The following SFXN5 variants were observed in gnomAD, a reference collection of about 807,000 sequenced individuals.
The protein encoded by SFXN5 is sideroflexin 5.
Under a neutral mutation model 50.2 loss-of-function variants are expected in SFXN5, and 43 were observed. The ratio of observed to expected loss-of-function variants is 0.86; its 90% CI spans 0.67 to 1.11. The LOEUF (loss-of-function observed/expected upper bound fraction) is 1.11, where lower values mean the gene tolerates loss of function less well. Among genes scored for constraint, SFXN5 ranks in the 50% least tolerant of loss-of-function variants. SFXN5 has a pLI of 0.00. For missense variants in SFXN5, 463 were observed against 454.1 expected, an observed-to-expected ratio of 1.02 and a Z score of -0.18; for synonymous variants, 203 against 185.8, an observed-to-expected ratio of 1.09 and a Z score of -0.75.
At chr2:73,041,250 C>A (rs1679588641) in intron 2 of SFXN5, among the ~76,000 whole-genome samples, 1 of 152,158 alleles carries the variant, frequency 6.6e-6, no homozygotes, top group Non-Finnish European at 1.5e-5. Flanking sequence ...AATAATATTT[C>A]CTATGTGAAT....
At chr2:73,052,359 C>CGTGTGCGT (rs1305681382) in intron 2 of SFXN5, among the ~76,000 whole-genome samples, 1 of 142,348 alleles carries the variant, frequency 7.0e-6, no homozygotes, top group Non-Finnish European at 1.6e-5. Flanking sequence ...TGTGTGTATG[C>CGTGTGCGT]GTGTGTGTGT....
At chr2:73,015,874 G>A (rs1033977890) in intron 6 of SFXN5, among the ~76,000 whole-genome samples, 1 of 151,112 alleles carries the variant, frequency 6.6e-6, no homozygotes, top group Non-Finnish European at 1.5e-5. Flanking sequence ...GGAATTTGAG[G>A]CTGCAGTGGG....
At chr2:73,009,166 T>C (rs1675155178) in intron 6 of SFXN5, among the ~76,000 whole-genome samples, 1 of 152,220 alleles carries the variant, frequency 6.6e-6, no homozygotes, top group South Asian at 2.1e-4. Flanking sequence ...GGCTTCTGCA[T>C]GCGTATATTT....
In SFXN5 at chr2:73,058,659, C is replaced by T. The variant is rs978964631; in HGVS notation, c.103-63G>A. 5.3e-6 allele frequency: 8 copies of T among 1,500,264 alleles called. No individual in the cohort carries two copies. The Admixed American group carries it at 1.0e-4, about 19-fold the overall frequency. 92.9% of individuals were successfully genotyped at this position (1,500,264 alleles called of 1,614,324 possible). On this transcript the variant is annotated intron_variant, in intron 1 of 13. Coordinates refer to ENST00000272433, the MANE Select transcript of SFXN5 (RefSeq NM_144579.3). The stretch of plus-strand genomic sequence containing the variant: ...GCTGCTGCACACCCTTCTCCAGACA[C>T]TGGAGAGCCCCACCCTTTATGATTG...
At chr2:73,052,336 G>GAA (rs1559208035) in intron 2 of SFXN5, among the ~76,000 whole-genome samples, 1 of 124,776 alleles carries the variant, frequency 8.0e-6, no homozygotes, top group South Asian at 2.5e-4. Flanking sequence ...ATGTAAGAGA[G>GAA]AGAGTGTGTG....
At chr2:73,013,118 A>G (rs1368499069) in intron 6 of SFXN5, among the ~76,000 whole-genome samples, 1 of 152,186 alleles carries the variant, frequency 6.6e-6, no homozygotes, top group Non-Finnish European at 1.5e-5. Context: ...ATATGCAGTC[A>G]TAACCATCAG....
intron 6 of SFXN5, chr2:73,020,015 A>T: frequency 1.9e-6 from 1 of 516,762 alleles, no homozygotes; most frequent in East Asian, 3.4e-5. Context: ...GCAATTTTCA[A>T]CTCAACGCTG....
At position 72,971,668 on chromosome 2, in the gene SFXN5, T is replaced by C; in HGVS notation, c.643A>G (p.Asn215Asp). ...FPAVASANICNVVLMRYGELE... is the reference protein window; with the variant it reads ...FPAVASANICDVVLMRYGELE... ...TCCCCGTACCGCATCAGGACCACAT[T>C]GCAGATATTGGCACTGGCTGCAGAG... is the stretch of plus-strand genomic sequence containing the variant. The change falls in exon 11 of 14, where the codon AAT becomes GAT. Residue 215 changes from asparagine to aspartate, a missense_variant. Transcript: ENST00000272433. 6.2e-7 allele frequency: 1 copy of C among 1,613,814 alleles called. No individual in the cohort carries two copies. Among genetic ancestry groups the C allele is most frequent in the African/African-American group, 1.3e-5 (1 of 75,028 alleles).
intron 10 of SFXN5, among the ~76,000 whole-genome samples, chr2:72,975,222 G>A (rs903737365): frequency 6.6e-6 from 1 of 152,254 alleles, no homozygotes; most frequent in African/African-American, 2.4e-5. Flanking sequence ...AAATCATGCA[G>A]ATTGTGAAAA....
intron 1 of SFXN5, chr2:73,071,356 G>A (rs1416039759): frequency 2.0e-6 from 1 of 502,966 alleles, no homozygotes; most frequent in Non-Finnish European, 3.5e-6. Context: ...GGCGGGAAAG[G>A]CTAGAGGGCG....
At chr2:72,980,577 C>T (rs1306036631) in intron 10 of SFXN5, among the ~76,000 whole-genome samples, 5 of 152,122 alleles carry the variant, frequency 3.3e-5, no homozygotes, top group South Asian at 2.1e-4. Flanking sequence ...GAAGTGTCAC[C>T]GACTCAGGAT....
At chr2:72,986,284 C>A (rs1279728484) in intron 10 of SFXN5, among the ~76,000 whole-genome samples, 1 of 152,212 alleles carries the variant, frequency 6.6e-6, no homozygotes, top group Admixed American at 6.5e-5. Flanking sequence ...AGAGGTGGGG[C>A]TGCCCAGCAA....
At position 72,953,770 on chromosome 2, in the gene SFXN5, T is replaced by C. The variant is rs930147604; in HGVS notation, c.945+7361A>G. Among the ~76,000 whole-genome samples, 18 of 152,206 alleles carry C rather than the reference T, an allele frequency of 1.2e-4. No homozygotes were observed. The highest frequency in any genetic ancestry group is 1.0e-3 in the Admixed American group (16 of 15,288). ...GAATGTGGACTCACATTCCAGCTTA[T>C]TCCCAGCTCTTCTCCATTCTTGGTT... On this transcript the variant is annotated intron_variant, in intron 13 of 13. Coordinates refer to ENST00000272433, the MANE Select transcript of SFXN5 (RefSeq NM_144579.3). The surrounding 1 kb of genome is among the most constrained non-coding windows in gnomAD (Gnocchi z 4.1).
intron 2 of SFXN5, among the ~76,000 whole-genome samples, chr2:73,047,102 G>A (rs1217429813): frequency 6.8e-6 from 1 of 148,080 alleles, no homozygotes; most frequent in Admixed American, 6.9e-5. Context: ...GCAGGCACCT[G>A]TAATCCCAGC....
Position 73,071,437 on chromosome 2 carries a change from G to A in SFXN5, c.102+167C>T. The A allele has an allele frequency of 1.4e-5, 9 of 624,236 alleles. No homozygotes were observed. In the South Asian group the frequency reaches 1.9e-4, roughly 13 times the overall value. 38.7% of individuals were successfully genotyped at this position (624,236 alleles called of 1,614,324 possible). A position where few individuals can be genotyped will look rare whatever the true frequency, so the allele number is the denominator to read the frequency against. ...GATGGGAGTCCGCGCCCGCCCCGTT[G>A]ACCAATGGGAAAAGGGTGACTGTGA... On this transcript the variant is annotated intron_variant, in intron 1 of 13. Coordinates refer to ENST00000272433, the MANE Select transcript of SFXN5 (RefSeq NM_144579.3).
intron 13 of SFXN5, among the ~76,000 whole-genome samples, chr2:72,949,365 C>T (rs2105321341): frequency 6.6e-6 from 1 of 152,260 alleles, no homozygotes; most frequent in African/African-American, 2.4e-5. Flanking sequence ...GCTCTGTCAC[C>T]CAGGCTGGAG....
intron 10 of SFXN5, among the ~76,000 whole-genome samples, chr2:72,984,130 G>A (rs981411379): frequency 3.3e-5 from 5 of 152,216 alleles, no homozygotes; most frequent in African/African-American, 7.2e-5. Context: ...AATCGATTCC[G>A]ATGCCAGCAC....
At chr2:72,971,891 A>G (rs963932847) in intron 10 of SFXN5, among the ~76,000 whole-genome samples, 2 of 152,154 alleles carry the variant, frequency 1.3e-5, no homozygotes, top group South Asian at 2.1e-4. Context: ...GGTAAGTGAA[A>G]GTGGAAAAGA....
intron 5 of SFXN5, among the ~76,000 whole-genome samples, chr2:73,021,456 C>T (rs6710362): frequency 0.42 from 64,517 of 152,020 alleles, 16,704 homozygotes; most frequent in Middle Eastern, 0.62. Context: ...TGCACTCCAG[C>T]CTGGGCAAAA....
Sources: allele counts gnomAD v4.1 joint callset (sites outside exome capture counted in the v4.1 genomes callset), GRCh38; gene constraint gnomAD v4.1.1; non-coding constraint Gnocchi (gnomAD v3.1); transcripts MANE v1.5; gene names NCBI Gene and HGNC (gene_info 2026-07-23, HGNC 2026-07-21).